The following CDH13 variants were observed in gnomAD, a reference collection of about 807,000 sequenced individuals.
CDH13 encodes cadherin-13.
Under a neutral mutation model 63.8 loss-of-function variants are expected in CDH13, and 24 were observed. That is an observed-to-expected ratio of 0.38 (90% CI 0.27 to 0.53). The LOEUF is 0.53. Ranked by LOEUF, CDH13 falls within the 20% of genes least tolerant of loss-of-function variation. The pLI is 0.85. For missense variants in CDH13, 1,049 were observed against 903.1 expected, an observed-to-expected ratio of 1.16 and a Z score of -2.07; for synonymous variants, 503 against 355.3, an observed-to-expected ratio of 1.42 and a Z score of -4.67.
At chr16:83,535,957 A>G (rs138457694) in intron 7 of CDH13, among the ~76,000 whole-genome samples, 13 of 4,914 alleles carry the variant, frequency 2.6e-3, no homozygotes, top group Non-Finnish European at 0.019. Context: ...GGAAGGAAGA[A>G]AAGAAAAGAA....
intron 1 of CDH13, among the ~76,000 whole-genome samples, chr16:82,743,214 G>T (rs981090642): frequency 3.3e-5 from 5 of 152,118 alleles, no homozygotes; most frequent in Non-Finnish European, 5.9e-5. Context: ...TTTAATAATT[G>T]TAGACCAGTG....
At chr16:83,524,369 A>C (rs1191418137) in intron 7 of CDH13, among the ~76,000 whole-genome samples, 1 of 151,848 alleles carries the variant, frequency 6.6e-6, no homozygotes, top group East Asian at 1.9e-4. Context: ...TTGTAGGAGC[A>C]GGAAGTTCAC....
chr16:82,763,645 A>G (rs1280264798), intron 1 of CDH13, among the ~76,000 whole-genome samples: 1 of 152,260 alleles, frequency 6.6e-6, no homozygotes, highest in Non-Finnish European at 1.5e-5. Flanking sequence ...TCTTTTCAAT[A>G]GATATATAAT....
intron 7 of CDH13, among the ~76,000 whole-genome samples, chr16:83,549,773 G>A (rs1394373255): frequency 1.3e-5 from 2 of 152,168 alleles, no homozygotes; most frequent in Non-Finnish European, 1.5e-5. Flanking sequence ...AAAGAAAGGG[G>A]CATTCACTGT....
At chr16:82,794,541 A>G (rs1344527994) in intron 1 of CDH13, among the ~76,000 whole-genome samples, 5 of 151,914 alleles carry the variant, frequency 3.3e-5, no homozygotes, top group Non-Finnish European at 5.9e-5. Flanking sequence ...GCGGTTTAAT[A>G]GTTTCATGTT....
chr16:83,324,042 T>TCTTC (rs1555530342), intron 5 of CDH13, among the ~76,000 whole-genome samples: 1 of 134,750 alleles, frequency 7.4e-6, no homozygotes, highest in Admixed American at 7.2e-5. Context: ...TTCTTCTTCT[T>TCTTC]TTTTTTTTTT....
chr16:82,714,660 G>T (rs1217322122), intron 1 of CDH13, among the ~76,000 whole-genome samples: 4 of 134,954 alleles, frequency 3.0e-5, no homozygotes, highest in African/African-American at 1.1e-4. Context: ...GTTGCAGTGA[G>T]CCGAGATCAA....
chr16:83,305,677 G>C (rs929845499), intron 5 of CDH13, among the ~76,000 whole-genome samples: 5 of 152,136 alleles, frequency 3.3e-5, no homozygotes, highest in African/African-American at 4.8e-5. Context: ...TTGTATCTTA[G>C]TGCTGCCAAT....
At chr16:83,506,658 A>G (rs557642371) in intron 7 of CDH13, among the ~76,000 whole-genome samples, 1 of 152,308 alleles carries the variant, frequency 6.6e-6, no homozygotes, top group South Asian at 2.1e-4. Flanking sequence ...AATAGGAATG[A>G]CTTGTGTAGC....
intron 1 of CDH13, among the ~76,000 whole-genome samples, chr16:82,695,841 A>C (rs2030218898): frequency 6.6e-6 from 1 of 152,240 alleles, no homozygotes; most frequent in Non-Finnish European, 1.5e-5. Flanking sequence ...AATTTTTAAC[A>C]GATTATGTAC....
chr16:83,562,115 C>G (rs974038790), intron 7 of CDH13, among the ~76,000 whole-genome samples: 1 of 152,150 alleles, frequency 6.6e-6, no homozygotes, highest in South Asian at 2.1e-4. Context: ...GTGCAAAAGT[C>G]TGCATGGGGC....
chr16:82,784,562 C>T (rs535738617), intron 1 of CDH13, among the ~76,000 whole-genome samples: 27 of 152,272 alleles, frequency 1.8e-4, no homozygotes, highest in Non-Finnish European at 2.9e-4. Flanking sequence ...AGAATACCCA[C>T]GGTCCTTGCC....
chr16:83,251,608 C>T (rs1207444449), intron 5 of CDH13, among the ~76,000 whole-genome samples: 2 of 152,172 alleles, frequency 1.3e-5, no homozygotes, highest in African/African-American at 4.8e-5. Context: ...AGGGTGGGGC[C>T]AGTTCTAGAG....
chr16:83,036,898 T>G (rs1411237245), intron 3 of CDH13, among the ~76,000 whole-genome samples: 1 of 152,148 alleles, frequency 6.6e-6, no homozygotes, highest in African/African-American at 2.4e-5. Flanking sequence ...GGGTCCACTT[T>G]TCTTGGCCAG....
intron 1 of CDH13, among the ~76,000 whole-genome samples, chr16:82,747,660 C>A (rs17183279): frequency 6.6e-6 from 1 of 151,982 alleles, no homozygotes; most frequent in Admixed American, 6.6e-5. Flanking sequence ...TTAATGCTTA[C>A]GAGAGTTGAA....
chr16:82,837,554 G>C (rs1232609760), intron 1 of CDH13, among the ~76,000 whole-genome samples: 1 of 152,166 alleles, frequency 6.6e-6, no homozygotes, highest in Non-Finnish European at 1.5e-5. Flanking sequence ...AAAGGGCAAA[G>C]GCCTGTGAGC....
intron 5 of CDH13, among the ~76,000 whole-genome samples, chr16:83,338,223 A>G (rs2090643513): frequency 1.3e-5 from 2 of 149,856 alleles, no homozygotes; most frequent in African/African-American, 4.9e-5. Context: ...AGTTTAATGT[A>G]CTCTGATATT....
chr16:82,724,663 A>G (rs934203044), intron 1 of CDH13, among the ~76,000 whole-genome samples: 8 of 152,228 alleles, frequency 5.3e-5, no homozygotes, highest in Admixed American at 3.3e-4. Flanking sequence ...TGGATAGTCA[A>G]AAGAGACTGT....
At chr16:83,191,489 G>GCACATATATATATATATATATATATATT (rs2038703821) in intron 4 of CDH13, among the ~76,000 whole-genome samples, 1 of 46,298 alleles carries the variant, frequency 2.2e-5, no homozygotes. Context: ...ATATATATAT[G>GCACATATATATATATATATATATATATT]CACATATATA....
Sources: gnomAD v4.1 joint callset for allele counts (sites outside exome capture counted in the v4.1 genomes callset) on GRCh38, gnomAD v4.1.1 for gene constraint, MANE v1.5 for transcripts, NCBI Gene and HGNC (gene_info 2026-07-23, HGNC 2026-07-21) for gene names.